Variants in PDZD2 observed in about 807,000 individuals in gnomAD.
The protein encoded by PDZD2 is PDZ domain-containing protein 2.
In PDZD2, 90 loss-of-function variants were observed where a neutral mutation model predicts 220.7. The observed-to-expected ratio is 0.41, with a 90% CI of 0.34 to 0.49. The LOEUF (loss-of-function observed/expected upper bound fraction) is 0.49. Among genes scored for constraint, PDZD2 ranks in the 20% least tolerant of loss-of-function variants. The pLI, the probability that PDZD2 is intolerant of heterozygous loss-of-function variation, is 0.28. For missense variants in PDZD2, 3,174 were observed against 3,608.5 expected, an observed-to-expected ratio of 0.88 and a Z score of 3.08; for synonymous variants, 1,375 against 1,450.5, an observed-to-expected ratio of 0.95 and a Z score of 1.18.
At chr5:31,853,349 G>A (rs1758171913) in intron 2 of PDZD2, among the ~76,000 whole-genome samples, 1 of 152,180 alleles carries the variant, frequency 6.6e-6, no homozygotes, top group South Asian at 2.1e-4. Context: ...ATTGTTGGTT[G>A]CAGTACCCAA....
intron 2 of PDZD2, among the ~76,000 whole-genome samples, chr5:31,898,493 T>G (rs1254387255): frequency 1.3e-5 from 2 of 152,210 alleles, no homozygotes; most frequent in Non-Finnish European, 2.9e-5. Flanking sequence ...TTCTGACAGC[T>G]GCTCTACTGC....
chr5:31,666,937 G>C (rs909800855), intron 1 of PDZD2, among the ~76,000 whole-genome samples: 1 of 152,026 alleles, frequency 6.6e-6, no homozygotes, highest in African/African-American at 2.4e-5. Context: ...AATATTGATA[G>C]AGTACCTGCT....
intron 2 of PDZD2, among the ~76,000 whole-genome samples, chr5:31,934,986 G>A (rs1434375448): frequency 6.6e-6 from 1 of 151,822 alleles, no homozygotes; most frequent in Non-Finnish European, 1.5e-5. Context: ...ACTCCAGGAG[G>A]TTGAGGCAGG....
chr5:31,847,578 G>T, intron 2 of PDZD2: 1 of 686,102 alleles, frequency 1.5e-6, no homozygotes, highest in Non-Finnish European at 2.7e-6. Context: ...GCCTGCTGCT[G>T]GCTCGGAGGC....
intron 2 of PDZD2, among the ~76,000 whole-genome samples, chr5:31,939,803 A>C (rs1194607856): frequency 2.0e-5 from 3 of 152,240 alleles, no homozygotes; most frequent in Non-Finnish European, 4.4e-5. Flanking sequence ...ACAAGGCTGG[A>C]ATCAGACATC....
chr5:31,711,483 G>A (rs749225040), intron 1 of PDZD2, among the ~76,000 whole-genome samples: 4 of 152,208 alleles, frequency 2.6e-5, no homozygotes, highest in Admixed American at 1.3e-4. Context: ...TAAGCCAAGG[G>A]GACTTTAAAG....
intron 7 of PDZD2, among the ~76,000 whole-genome samples, chr5:32,046,430 A>G (rs1236437592): frequency 6.6e-6 from 1 of 152,100 alleles, no homozygotes; most frequent in African/African-American, 2.4e-5. Flanking sequence ...TTTAATAGAG[A>G]TAGGGTTTCA....
chr5:31,722,469 T>C (rs1748865127), intron 1 of PDZD2, among the ~76,000 whole-genome samples: 1 of 152,200 alleles, frequency 6.6e-6, no homozygotes, highest in Non-Finnish European at 1.5e-5. Flanking sequence ...TTGTTTTTAT[T>C]ACAGCATGTT....
chr5:31,738,135 C>T (rs192963240), intron 1 of PDZD2: 8 of 152,322 alleles, frequency 5.3e-5, no homozygotes, highest in East Asian at 3.9e-4. Flanking sequence ...AGAATCGTTT[C>T]GTTCCAGAGA....
chr5:31,647,868 T>C (rs961950978), intron 1 of PDZD2, among the ~76,000 whole-genome samples: 1 of 152,164 alleles, frequency 6.6e-6, no homozygotes, highest in African/African-American at 2.4e-5. Flanking sequence ...TTCTCTGAGG[T>C]TGCACAGCCA....
chr5:31,852,878 T>G (rs1758141898), intron 2 of PDZD2, among the ~76,000 whole-genome samples: 1 of 152,198 alleles, frequency 6.6e-6, no homozygotes, highest in Non-Finnish European at 1.5e-5. Context: ...ATTACAGGCG[T>G]GAGCCACTGC....
chr5:31,960,431 A>G (rs1253748595), intron 2 of PDZD2, among the ~76,000 whole-genome samples: 1 of 152,084 alleles, frequency 6.6e-6, no homozygotes, highest in East Asian at 1.9e-4. Flanking sequence ...GCTGGTCTCG[A>G]ACTCCTGACC....
chr5:31,864,534 T>C (rs952641321), intron 2 of PDZD2, among the ~76,000 whole-genome samples: 2 of 152,194 alleles, frequency 1.3e-5, no homozygotes, highest in South Asian at 2.1e-4. Flanking sequence ...TTTTTTTTTT[T>C]TGGAGACGGA....
intron 1 of PDZD2, among the ~76,000 whole-genome samples, chr5:31,720,184 A>G (rs1748705876): frequency 1.3e-5 from 2 of 152,230 alleles, no homozygotes; most frequent in Non-Finnish European, 2.9e-5. Context: ...TAATTGGCAG[A>G]GCCCAGATCA....
chr5:32,024,699 A>ACAG (rs1561378312), intron 6 of PDZD2, among the ~76,000 whole-genome samples: 1 of 38,162 alleles, frequency 2.6e-5, no homozygotes. Flanking sequence ...AAAAAGAAAG[A>ACAG]AAAAAAAGAA....
chr5:32,012,844 GTTA>G (rs1561347194), intron 6 of PDZD2, among the ~76,000 whole-genome samples: 1 of 151,182 alleles, frequency 6.6e-6, no homozygotes, highest in Non-Finnish European at 1.5e-5. Context: ...TTTTATTTAA[GTTA>G]TTATTTAAAC....
intron 19 of PDZD2, among the ~76,000 whole-genome samples, chr5:32,085,932 G>A (rs1040426579): frequency 2.6e-5 from 4 of 151,888 alleles, no homozygotes; most frequent in African/African-American, 4.8e-5. Flanking sequence ...GATGACTTTG[G>A]GTAGTATGGA....
chr5:31,850,241 T>TACACAC lies in PDZD2; in HGVS notation c.476+50518_476+50519insCACACA, dbSNP rs1291897348. On this transcript the variant is annotated intron_variant, in intron 2 of 24. Coordinates refer to ENST00000438447, the MANE Select transcript of PDZD2 (RefSeq NM_178140.4). ...ATATATATAAGTATATATATATATA[T>TACACAC]ATACACACACACACACACACATATA... 5.1e-4 allele frequency among the ~76,000 whole-genome samples: 55 copies of TACACAC among 107,700 alleles called. 2 individuals carry two copies. The South Asian group carries it at 0.017, about 33-fold the overall frequency. The allele number at this position is 107,700 out of a possible 152,430, so 70.7% of individuals were successfully genotyped here. A position where few individuals can be genotyped will look rare whatever the true frequency, so the allele number is the denominator to read the frequency against.
chr5:31,904,567 G>A (rs1351306226), intron 2 of PDZD2, among the ~76,000 whole-genome samples: 4 of 151,922 alleles, frequency 2.6e-5, no homozygotes, highest in African/African-American at 7.3e-5. Context: ...TCGCTCTGTC[G>A]CGCAGGCTGG....
Sources: gnomAD v4.1 joint callset for allele counts (sites outside exome capture counted in the v4.1 genomes callset) on GRCh38, gnomAD v4.1.1 for gene constraint, MANE v1.5 for transcripts, NCBI Gene and HGNC (gene_info 2026-07-23, HGNC 2026-07-21) for gene names.